DOK6: variants seen among roughly 807,000 people sequenced by gnomAD.
DOK6 encodes docking protein 6, also known as downstream of tyrosine kinase 6.
A neutral mutation model predicts 44.0 loss-of-function variants in DOK6; 22 were observed. The observed-to-expected ratio is 0.50, with a 90% CI of 0.36 to 0.71. The LOEUF (loss-of-function observed/expected upper bound fraction) is 0.71. DOK6 is among the 30% of genes least tolerant of loss of function. DOK6 has a pLI of 0.00. For missense variants in DOK6, 340 were observed against 416.4 expected (o/e 0.82, Z 1.60); for synonymous variants, 166 against 145.5 (o/e 1.14, Z -1.01).
At chr18:69,698,356 C>T in intron 4 of DOK6, 48 bp from the exon 5 acceptor site, 1 of 1,537,164 alleles carries the variant, frequency 6.5e-7, no homozygotes, top group Non-Finnish European at 8.8e-7. Flanking sequence ...GCCATAGACA[C>T]TCACACCTCT....
chr18:69,447,000 AG>A, intron 1 of DOK6, among the ~76,000 whole-genome samples: 1 of 151,952 alleles, frequency 6.6e-6, no homozygotes, highest in African/African-American at 2.4e-5. Context: ...TCTATTCTGT[AG>A]GTTGCCTGTT....
At chr18:69,841,160 TA>T in intron 7 of DOK6, 83 bp from the exon 8 acceptor site, 1 of 1,520,272 alleles carries the variant, frequency 6.6e-7, no homozygotes, top group Non-Finnish European at 9.0e-7. Context: ...TATAGATAGA[TA>T]GATAATAGAT....
chr18:69,635,991 A>G (rs1984797739), intron 3 of DOK6, among the ~76,000 whole-genome samples: 1 of 152,212 alleles, frequency 6.6e-6, no homozygotes, highest in Non-Finnish European at 1.5e-5. Flanking sequence ...GAAGTCTGTG[A>G]CACAGTAGAG....
intron 1 of DOK6, among the ~76,000 whole-genome samples, chr18:69,491,951 A>G (rs937583864): frequency 2.6e-5 from 4 of 152,246 alleles, no homozygotes; most frequent in African/African-American, 9.6e-5. Context: ...CCAAAAGAAT[A>G]TTAAATATGA....
At chr18:69,686,048 G>A (rs1986145776) in intron 4 of DOK6, among the ~76,000 whole-genome samples, 1 of 152,134 alleles carries the variant, frequency 6.6e-6, no homozygotes, top group African/African-American at 2.4e-5. Flanking sequence ...GCAGAGGTGA[G>A]CCCTAATCCA....
chr18:69,511,187 C>T (rs750244052), intron 1 of DOK6, among the ~76,000 whole-genome samples: 1 of 152,162 alleles, frequency 6.6e-6, no homozygotes, highest in African/African-American at 2.4e-5. Context: ...AGTTATGTAG[C>T]TCTTCAAGAC....
intron 1 of DOK6, among the ~76,000 whole-genome samples, chr18:69,499,901 A>T (rs1285888091): frequency 2.0e-5 from 3 of 152,200 alleles, no homozygotes; most frequent in Non-Finnish European, 4.4e-5. Flanking sequence ...CTTATGCATG[A>T]GAAAGTACAG....
intron 3 of DOK6, among the ~76,000 whole-genome samples, chr18:69,617,328 AAAAG>A (rs34477258): frequency 5.4e-4 from 81 of 148,810 alleles, no homozygotes; most frequent in African/African-American, 7.4e-4. Context: ...AGAGAGAAAG[AAAAG>A]AAAGAAAGAA....
At chr18:69,723,624 T>C (rs184047698) in intron 5 of DOK6, among the ~76,000 whole-genome samples, 65 of 152,288 alleles carry the variant, frequency 4.3e-4, no homozygotes, top group African/African-American at 1.5e-3. Flanking sequence ...CAGGAAAATA[T>C]TTGCAAAGGA....
intron 1 of DOK6, among the ~76,000 whole-genome samples, chr18:69,509,705 A>G (rs1487303199): frequency 6.6e-6 from 1 of 150,388 alleles, no homozygotes; most frequent in Non-Finnish European, 1.5e-5. Context: ...TCAGACTTTC[A>G]TTTCTCCTTA....
chr18:69,733,340 G>A (rs968766899), intron 5 of DOK6, among the ~76,000 whole-genome samples: 6 of 152,070 alleles, frequency 3.9e-5, no homozygotes, highest in Non-Finnish European at 8.8e-5. Context: ...AGTAGGTTTT[G>A]TACATTCTTC....
intron 3 of DOK6, among the ~76,000 whole-genome samples, chr18:69,612,331 A>G (rs529238445): frequency 3.3e-4 from 32 of 97,762 alleles, no homozygotes; most frequent in African/African-American, 1.3e-3. Flanking sequence ...GAAACTAACT[A>G]CAAAACCAAA....
chr18:69,410,468 G>A (rs753689960), intron 1 of DOK6, among the ~76,000 whole-genome samples: 2 of 152,202 alleles, frequency 1.3e-5, no homozygotes, highest in Non-Finnish European at 2.9e-5. Context: ...TTACACTGTT[G>A]TTAGTGCGAA....
chr18:69,648,544 T>A (rs564026300), intron 3 of DOK6, among the ~76,000 whole-genome samples: 16 of 152,352 alleles, frequency 1.1e-4, no homozygotes, highest in Non-Finnish European at 2.1e-4. Context: ...CTGAGAATTT[T>A]AAAATCATAA....
intron 1 of DOK6, among the ~76,000 whole-genome samples, chr18:69,407,593 A>T (rs1916230501): frequency 2.0e-5 from 3 of 152,214 alleles, no homozygotes; most frequent in African/African-American, 7.2e-5. Context: ...ACAGAGCAGT[A>T]TTATCCTCTA....
At chr18:69,665,554 C>A (rs1347628878) in intron 3 of DOK6, among the ~76,000 whole-genome samples, 1 of 152,144 alleles carries the variant, frequency 6.6e-6, no homozygotes, top group African/African-American at 2.4e-5. Context: ...TTCCAATTTT[C>A]TATCGTCTGC....
At chr18:69,747,569 T>C (rs2046844372) in intron 6 of DOK6, among the ~76,000 whole-genome samples, 1 of 151,618 alleles carries the variant, frequency 6.6e-6, no homozygotes, top group Non-Finnish European at 1.5e-5. Context: ...TGCAATATAT[T>C]AGGGAGGAAG....
intron 1 of DOK6, among the ~76,000 whole-genome samples, chr18:69,434,254 A>G (rs1978886265): frequency 6.6e-6 from 1 of 152,144 alleles, no homozygotes; most frequent in South Asian, 2.1e-4. Flanking sequence ...GTTCTGCTGG[A>G]ATTTTTCTTG....
intron 1 of DOK6, among the ~76,000 whole-genome samples, chr18:69,532,554 C>T (rs1226106376): frequency 6.6e-6 from 1 of 152,090 alleles, no homozygotes; most frequent in East Asian, 1.9e-4. Context: ...ATATTCACTG[C>T]CAATAGCATT....
Sources: gnomAD v4.1 joint callset for allele counts (sites outside exome capture counted in the v4.1 genomes callset) on GRCh38, gnomAD v4.1.1 for gene constraint, MANE v1.5 for transcripts, NCBI Gene and HGNC (gene_info 2026-07-23, HGNC 2026-07-21) for gene names.